Variants in LRP1B observed in about 807,000 individuals in gnomAD.
LRP1B encodes the protein low-density lipoprotein receptor-related protein 1B.
Under a neutral mutation model 556.6 loss-of-function variants are expected in LRP1B, and 217 were observed. The observed-to-expected ratio is 0.39, with a 90% CI of 0.35 to 0.44. The LOEUF (loss-of-function observed/expected upper bound fraction) is 0.44, where lower values mean the gene tolerates loss of function less well. LRP1B is among the 20% of genes least tolerant of loss of function. The probability of loss-of-function intolerance (pLI) is 1.00; values close to 1 mark genes in which losing one functional copy is unlikely to be tolerated. For synonymous variants in LRP1B, 2,047 were observed against 1,865.8 expected (o/e 1.10, Z -2.50); for missense variants, 5,053 against 5,620.8 (o/e 0.90, Z 3.23).
chr2:140,446,104 G>A (rs1388585607), intron 63 of LRP1B, among the ~76,000 whole-genome samples: 1 of 152,010 alleles, frequency 6.6e-6, no homozygotes, highest in Non-Finnish European at 1.5e-5. Flanking sequence ...ATAACATTTT[G>A]TTAATTAATA....
chr2:141,522,056 C>T (rs1684545942), intron 2 of LRP1B, among the ~76,000 whole-genome samples: 1 of 152,084 alleles, frequency 6.6e-6, no homozygotes, highest in African/African-American at 2.4e-5. Flanking sequence ...CAACAGCATA[C>T]ATTACTCTAA....
At chr2:140,826,678 CACT>C (rs1354118448) in intron 31 of LRP1B, among the ~76,000 whole-genome samples, 1 of 152,058 alleles carries the variant, frequency 6.6e-6, no homozygotes, top group Admixed American at 6.5e-5. Context: ...ATGGTTTCTG[CACT>C]GGAAAAAGTG....
At chr2:141,645,907 A>T (rs1403064481) in intron 2 of LRP1B, among the ~76,000 whole-genome samples, 3 of 152,242 alleles carry the variant, frequency 2.0e-5, no homozygotes, top group South Asian at 2.1e-4. Flanking sequence ...ATTTTGATTT[A>T]AAAAAAGTAA....
chr2:141,007,755 C>T (rs116087824), intron 14 of LRP1B, among the ~76,000 whole-genome samples: 2 of 151,492 alleles, frequency 1.3e-5, no homozygotes, highest in South Asian at 2.1e-4. Context: ...CATTTTGAAA[C>T]GTTGAAATTA....
At chr2:141,198,302 G>A (rs1681838025) in intron 6 of LRP1B, among the ~76,000 whole-genome samples, 3 of 152,080 alleles carry the variant, frequency 2.0e-5, no homozygotes, top group Admixed American at 6.6e-5. Context: ...ATGGTATTAT[G>A]GAAGTTCAAT....
chr2:140,464,707 G>C (rs937905779), intron 60 of LRP1B, among the ~76,000 whole-genome samples: 1 of 152,148 alleles, frequency 6.6e-6, no homozygotes, highest in African/African-American at 2.4e-5. Flanking sequence ...ACAGTACACA[G>C]AAATGTGATA....
intron 4 of LRP1B, among the ~76,000 whole-genome samples, chr2:141,247,742 C>A (rs1194271410): frequency 6.6e-6 from 1 of 152,110 alleles, no homozygotes; most frequent in East Asian, 1.9e-4. Context: ...TTTCAATCAA[C>A]AGATTAAATA....
chr2:141,876,111 A>T (rs1698750042), intron 1 of LRP1B, among the ~76,000 whole-genome samples: 1 of 151,998 alleles, frequency 6.6e-6, no homozygotes, highest in South Asian at 2.1e-4. Flanking sequence ...ACTGTCAGGA[A>T]TAACTCCTTT....
chr2:141,043,099 G>C (rs1460967179), intron 11 of LRP1B, among the ~76,000 whole-genome samples: 1 of 150,670 alleles, frequency 6.6e-6, no homozygotes, highest in Non-Finnish European at 1.5e-5. Context: ...GCCACTTGAG[G>C]GGCTGAGGAG....
At chr2:141,131,951 T>A (rs1014788176) in intron 7 of LRP1B, among the ~76,000 whole-genome samples, 2 of 151,892 alleles carry the variant, frequency 1.3e-5, no homozygotes, top group Non-Finnish European at 2.9e-5. Context: ...GCAGTATACG[T>A]TGAACCCAAT....
chr2:141,228,268 A>G (rs1683320821), intron 6 of LRP1B, among the ~76,000 whole-genome samples: 2 of 152,190 alleles, frequency 1.3e-5, no homozygotes, highest in African/African-American at 4.8e-5. Flanking sequence ...TCTGTAAATC[A>G]TAAATTAAAT....
chr2:140,433,031 T>G (rs1371303823), intron 66 of LRP1B, among the ~76,000 whole-genome samples: 1 of 152,214 alleles, frequency 6.6e-6, no homozygotes, highest in Admixed American at 6.5e-5. Context: ...GTCAATACAA[T>G]TTACTTGGTA....
chr2:140,744,816 T>C (rs1688263049), intron 35 of LRP1B, among the ~76,000 whole-genome samples: 1 of 152,164 alleles, frequency 6.6e-6, no homozygotes, highest in South Asian at 2.1e-4. Context: ...GTTTGTTTGT[T>C]ACCCAGCTTT....
chr2:141,564,224 AT>A (rs1686257053), intron 2 of LRP1B, among the ~76,000 whole-genome samples: 1 of 152,124 alleles, frequency 6.6e-6, no homozygotes, highest in African/African-American at 2.4e-5. Context: ...TATAAGAGAG[AT>A]AATGTGGAAC....
At chr2:140,720,983 T>C (rs1687380060) in intron 35 of LRP1B, among the ~76,000 whole-genome samples, 1 of 152,108 alleles carries the variant, frequency 6.6e-6, no homozygotes, top group Non-Finnish European at 1.5e-5. Context: ...ACCATGAACA[T>C]TTCACAAAGT....
At position 140,493,291 on chromosome 2, in the gene LRP1B, G is replaced by C. The variant is rs983674709; in HGVS notation, c.9035-598C>G. Among the ~76,000 whole-genome samples the C allele has an allele frequency of 2.6e-5, 4 of 151,932 alleles. No homozygotes were observed. The East Asian group carries it at 7.7e-4, about 29-fold the overall frequency. The stretch of plus-strand genomic sequence containing the variant: ...AATAGTCTTTATTTCTACCTTATCA[G>C]CTTGTCCAATGTCTTTTAGTATCTC... On this transcript the variant is annotated intron_variant, in intron 56 of 90. Transcript: ENST00000389484.
intron 32 of LRP1B, among the ~76,000 whole-genome samples, chr2:140,788,306 A>T (rs1177813369): frequency 6.6e-6 from 1 of 152,170 alleles, no homozygotes; most frequent in Non-Finnish European, 1.5e-5. Context: ...ATTTCCACCC[A>T]CTATCAATAA....
chr2:142,094,808 TA>T (rs1706301260), intron 1 of LRP1B, among the ~76,000 whole-genome samples: 1 of 151,572 alleles, frequency 6.6e-6, no homozygotes, highest in Admixed American at 6.6e-5. Context: ...AATAAATATT[TA>T]GTAATAAATT....
intron 2 of LRP1B, among the ~76,000 whole-genome samples, chr2:141,795,883 T>TATATAC (rs1695792159): frequency 2.7e-5 from 2 of 73,778 alleles, no homozygotes; most frequent in Non-Finnish European, 5.7e-5. Context: ...TATATATATA[T>TATATAC]ATATATATAT....
Sources: allele counts gnomAD v4.1 joint callset (sites outside exome capture counted in the v4.1 genomes callset), GRCh38; gene constraint gnomAD v4.1.1; transcripts MANE v1.5; gene names NCBI Gene and HGNC (gene_info 2026-07-23, HGNC 2026-07-21).